The following SHC4 variants were observed in gnomAD, a reference collection of about 807,000 sequenced individuals.
SHC4 encodes SHC-transforming protein 4.
A neutral mutation model predicts 69.4 loss-of-function variants in SHC4; 41 were observed. That is an observed-to-expected ratio of 0.59 (90% CI 0.46 to 0.77). SHC4 has a LOEUF of 0.77. Ranked by LOEUF, SHC4 falls within the 30% of genes least tolerant of loss-of-function variation. The pLI, the probability that SHC4 is intolerant of heterozygous loss-of-function variation, is 0.00. For missense variants in SHC4, 777 were observed against 783.8 expected (o/e 0.99, Z 0.10); for synonymous variants, 318 against 299.3 (o/e 1.06, Z -0.64).
intron 2 of SHC4, among the ~76,000 whole-genome samples, chr15:48,913,630 C>T (rs528567056): frequency 2.0e-5 from 3 of 152,252 alleles, no homozygotes; most frequent in Admixed American, 1.3e-4. Context: ...CTTCTCACCC[C>T]CTTCAAATTG....
rs550989861 is a variant in SHC4 at position 48,951,550 on chromosome 15, A to G, written c.585+10881T>C. 6.6e-4 allele frequency among the ~76,000 whole-genome samples: 100 copies of G among 152,188 alleles called. 1 individual carries two copies. Among genetic ancestry groups the G allele is most frequent in the Middle Eastern group, 6.8e-3 (2 of 294 alleles). On this transcript the variant is annotated intron_variant, in intron 1 of 11. Coordinates refer to ENST00000332408, the MANE Select transcript of SHC4 (RefSeq NM_203349.4). ...AGGTACTATACAACCTTGTTGTATC[A>G]GTCCATCTTATTTTCCTTCTGATTT...
intron 8 of SHC4, among the ~76,000 whole-genome samples, chr15:48,855,158 C>G (rs995410298): frequency 6.6e-6 from 1 of 151,606 alleles, no homozygotes; most frequent in African/African-American, 2.4e-5. Flanking sequence ...GTTAACAAAC[C>G]TACACATGTA....
At chr15:48,830,898 G>A (rs534979478) in intron 11 of SHC4, among the ~76,000 whole-genome samples, 2 of 152,166 alleles carry the variant, frequency 1.3e-5, no homozygotes, top group African/African-American at 4.8e-5. Flanking sequence ...TATCATAGGA[G>A]ATGACAACTC....
intron 3 of SHC4, among the ~76,000 whole-genome samples, chr15:48,886,280 G>T (rs1192212376): frequency 6.6e-6 from 1 of 151,894 alleles, no homozygotes; most frequent in Non-Finnish European, 1.5e-5. Context: ...ATATTATTAT[G>T]AAATACAAAT....
At chr15:48,835,882 T>C (rs955143750) in intron 10 of SHC4, among the ~76,000 whole-genome samples, 1 of 151,966 alleles carries the variant, frequency 6.6e-6, no homozygotes, top group Non-Finnish European at 1.5e-5. Context: ...AGGAAATGAA[T>C]CTTTAGAAAG....
chr15:48,872,215 G>T (rs1186171165), intron 4 of SHC4, 73 bp from the exon 5 acceptor site: 2 of 912,634 alleles, frequency 2.2e-6, no homozygotes, highest in Non-Finnish European at 3.3e-6. Flanking sequence ...AACAGTAATA[G>T]ACATACATTT....
chr15:48,955,502 G>A (rs184939066), intron 1 of SHC4, among the ~76,000 whole-genome samples: 42 of 152,228 alleles, frequency 2.8e-4, no homozygotes, highest in African/African-American at 9.6e-4. Flanking sequence ...ATGACCCTAA[G>A]GTCATTAGGG....
At chr15:48,916,486 A>G (rs1475085235) in intron 2 of SHC4, among the ~76,000 whole-genome samples, 1 of 150,364 alleles carries the variant, frequency 6.7e-6, no homozygotes, top group Non-Finnish European at 1.5e-5. Flanking sequence ...CTGAATGATG[A>G]TCTCTGTTTC....
intron 8 of SHC4, among the ~76,000 whole-genome samples, chr15:48,855,367 T>A (rs1387955815): frequency 2.0e-5 from 3 of 152,152 alleles, no homozygotes; most frequent in Non-Finnish European, 4.4e-5. Flanking sequence ...TTCCATCAGA[T>A]TGTCAAGCAG....
intron 1 of SHC4, among the ~76,000 whole-genome samples, chr15:48,938,730 T>C (rs1167598959): frequency 1.3e-5 from 2 of 152,206 alleles, no homozygotes; most frequent in Non-Finnish European, 2.9e-5. Context: ...GACCATGACA[T>C]GAGCAAGAAG....
chr15:48,921,244 G>C (rs780839668), intron 2 of SHC4, among the ~76,000 whole-genome samples: 3 of 151,950 alleles, frequency 2.0e-5, no homozygotes, highest in Non-Finnish European at 4.4e-5. Flanking sequence ...ACTTTTATGA[G>C]GTACCTAGAC....
At position 48,907,838 on chromosome 15, in the gene SHC4, G is replaced by GTATA. The variant is rs1491440626; in HGVS notation, c.657-17028_657-17027insTATA. 1.1e-3 allele frequency among the ~76,000 whole-genome samples: 130 copies of GTATA among 113,778 alleles called. 1 individual carries two copies. The highest frequency in any genetic ancestry group is 4.3e-3 in the African/African-American group (128 of 29,752). 74.6% of individuals were successfully genotyped at this position (113,778 alleles called of 152,430 possible). On this transcript the variant is annotated intron_variant, in intron 2 of 11. Transcript: ENST00000332408. ...TATGTGTGTGTGTGTGTGTGTGTGT[G>GTATA]TGTATATATATATATATGTATATGT... is the stretch of plus-strand genomic sequence containing the variant.
intron 2 of SHC4, among the ~76,000 whole-genome samples, chr15:48,919,295 A>ATTTTTTTTTTTTTTTTTTTTT (rs386382928): frequency 0.014 from 1,002 of 71,200 alleles, 206 homozygotes; most frequent in Non-Finnish European, 0.019. Flanking sequence ...ATTTATTTTA[A>ATTTTTTTTTTTTTTTTTTTTT]TTTTTTTTTT....
intron 10 of SHC4, among the ~76,000 whole-genome samples, chr15:48,840,036 AAT>A (rs575899257): frequency 6.6e-6 from 1 of 152,178 alleles, no homozygotes; most frequent in Non-Finnish European, 1.5e-5. Flanking sequence ...CCTTTAAAGA[AAT>A]ATATATGTGC....
At chr15:48,873,305 T>C (rs938277842) in intron 4 of SHC4, among the ~76,000 whole-genome samples, 3 of 152,366 alleles carry the variant, frequency 2.0e-5, no homozygotes, top group Non-Finnish European at 4.4e-5. Flanking sequence ...TTTTCTGGGA[T>C]TGCTGGAGTT....
chr15:48,910,901 C>G (rs569880938), intron 2 of SHC4, among the ~76,000 whole-genome samples: 3 of 152,044 alleles, frequency 2.0e-5, no homozygotes, highest in Non-Finnish European at 4.4e-5. Flanking sequence ...AGTTGATTTC[C>G]AGTTTTATTC....
chr15:48,924,749 C>A (rs544028425), intron 2 of SHC4, 130 bp downstream of exon 2: 35 of 888,660 alleles, frequency 3.9e-5, no homozygotes, highest in East Asian at 3.9e-4. Flanking sequence ...ACTGGGCGAG[C>A]CTTCTACACT....
intron 4 of SHC4, chr15:48,878,241 T>G: frequency 6.2e-7 from 1 of 1,610,466 alleles, no homozygotes; most frequent in Non-Finnish European, 8.5e-7. Flanking sequence ...ATGGATGTGA[T>G]GCCTGGCGAG....
chr15:48,867,213 T>C (rs538894525), intron 6 of SHC4, among the ~76,000 whole-genome samples: 1 of 152,276 alleles, frequency 6.6e-6, no homozygotes, highest in Admixed American at 6.5e-5. Context: ...TGGCAAACTG[T>C]GATTACTTTT....
Sources: allele counts gnomAD v4.1 joint callset (sites outside exome capture counted in the v4.1 genomes callset), GRCh38; gene constraint gnomAD v4.1.1; transcripts MANE v1.5; gene names NCBI Gene and HGNC (gene_info 2026-07-23, HGNC 2026-07-21).